The following SIPA1L1 variants were observed in gnomAD, a reference collection of about 807,000 sequenced individuals.
SIPA1L1 encodes signal induced proliferation associated 1 like 1, also known as signal-induced proliferation-associated 1-like protein 1.
SIPA1L1 carries 26 observed loss-of-function variants against 162.7 expected under a neutral mutation model. That is an observed-to-expected ratio of 0.16 (90% CI 0.12 to 0.22). SIPA1L1 has a LOEUF of 0.22. Among genes scored for constraint, SIPA1L1 ranks in the 10% least tolerant of loss-of-function variants. The pLI is 1.00. For missense variants in SIPA1L1, 1,874 were observed against 2,241.0 expected (o/e 0.84, Z 3.31); for synonymous variants, 829 against 837.4 (o/e 0.99, Z 0.17).
intron 17 of SIPA1L1, among the ~76,000 whole-genome samples, chr14:71,720,559 T>TAA (rs534355780): frequency 3.4e-4 from 50 of 148,330 alleles, no homozygotes; most frequent in African/African-American, 1.1e-3. Context: ...GGAGACTGTC[T>TAA]AAAAAAAAAA....
rs527823282 is a variant in SIPA1L1, at chr14:71,603,415, G to C, written c.1498+14045G>C. Among the ~76,000 whole-genome samples, 5 of 151,730 alleles carry C rather than the reference G, an allele frequency of 3.3e-5. No individual in the cohort carries two copies. In the South Asian group the frequency reaches 1.0e-3, roughly 32 times the overall value. On this transcript the variant is annotated intron_variant, in intron 5 of 23. Transcript: ENST00000381232. ...TTGATTTCTAGTTATTTTATATATC[G>C]GTTTCTTTCTCATGTTATTTACCAC...
intron 2 of SIPA1L1, among the ~76,000 whole-genome samples, chr14:71,397,098 A>G (rs185851676): frequency 1.3e-5 from 2 of 152,308 alleles, no homozygotes; most frequent in Non-Finnish European, 1.5e-5. Context: ...AATAACTTCA[A>G]AGGTCAGTTG....
chr14:71,544,413 G>A (rs182327580), intron 4 of SIPA1L1, among the ~76,000 whole-genome samples: 3 of 151,572 alleles, frequency 2.0e-5, no homozygotes, highest in Non-Finnish European at 4.4e-5. Context: ...ACTTTTCCTT[G>A]TCTGTAGCTT....
chr14:71,435,134 T>G (rs1299410192), intron 2 of SIPA1L1, among the ~76,000 whole-genome samples: 1 of 152,198 alleles, frequency 6.6e-6, no homozygotes, highest in Non-Finnish European at 1.5e-5. Context: ...AAACATTGTA[T>G]ACATTTACAC....
At position 71,671,253 on chromosome 14, in the gene SIPA1L1, A is replaced by G. The variant is rs749248202; in HGVS notation, c.2390A>G (p.Lys797Arg). 1 of 1,614,172 alleles carries G rather than the reference A, an allele frequency of 6.2e-7. No individual in the cohort carries two copies. The highest frequency in any genetic ancestry group is 1.1e-5 in the South Asian group (1 of 91,078). Residue 797 changes from lysine to arginine, a missense_variant, in exon 11 of 24, where the codon AAA becomes AGA. Around this residue, in one of 5 missense-constraint regions of SIPA1L1, gnomAD observed 243 missense variants for 315.0 expected, o/e 0.77. Transcript: ENST00000381232. ...KVINAENAAH[K>R]SEKFRAMATR... ...ATTAATGCAGAAAATGCTGCTCATA[A>G]ATCGGAGAAGTTTCGGGCCATGGCA...
chr14:71,400,270 G>T (rs1275092733), intron 2 of SIPA1L1, among the ~76,000 whole-genome samples: 3 of 152,106 alleles, frequency 2.0e-5, no homozygotes, highest in Admixed American at 6.6e-5. Flanking sequence ...TTCTCTGGGG[G>T]ATTAGGACTA....
rs187607356 is a variant in SIPA1L1, at chr14:71,698,921, C to G, written c.3375-60C>G. On this transcript the variant is annotated intron_variant, in intron 13 of 23. Coordinates refer to ENST00000381232, the MANE Select transcript of SIPA1L1 (RefSeq NM_001386936.1). ...CATTTATATGATATTATCCATCATG[C>G]GTTGCCTTGGGATTTTCCCTTTGAA... is the stretch of plus-strand genomic sequence containing the variant. 638 of 1,564,436 alleles carry G rather than the reference C, an allele frequency of 4.1e-4. 3 individuals carry two copies. The Middle Eastern group carries it at 0.012, about 28-fold the overall frequency.
chr14:71,672,575 G>C lies in SIPA1L1; in HGVS notation c.3057G>C (p.Thr1019=), dbSNP rs771015195. The change falls in exon 12 of 24, where the codon ACG becomes ACC. Residue 1019 remains threonine, a synonymous_variant. Transcript: ENST00000381232. Reference sequence around the variant, plus strand: ...TCGACCTCCTGAGAACATCTGTCACGGTGAAGGTTGTCATCATTCCCCCGC... The same window carrying C: ...TCGACCTCCTGAGAACATCTGTCACCGTGAAGGTTGTCATCATTCCCCCGC... ...QMIDLLRTSV[T]VKVVIIPPHD... 2 of 1,614,072 alleles carry C rather than the reference G, an allele frequency of 1.2e-6. No individual in the cohort carries two copies. The highest frequency in any genetic ancestry group is 1.3e-5 in the African/African-American group (1 of 74,930).
intron 4 of SIPA1L1, among the ~76,000 whole-genome samples, chr14:71,537,686 TTCTC>T (rs945657665): frequency 3.4e-4 from 51 of 152,192 alleles, no homozygotes; most frequent in African/African-American, 1.1e-3. Flanking sequence ...TCATTTCCTT[TTCTC>T]TCTCTCTCTT....
rs141787348 is a variant in SIPA1L1 at position 71,558,594 on chromosome 14, C to T, written c.-302-28977C>T. Among the ~76,000 whole-genome samples, 172 of 152,280 alleles carry T rather than the reference C, an allele frequency of 1.1e-3. 1 individual carries two copies. In the East Asian group the frequency reaches 0.029, roughly 26 times the overall value. ...GGTGAAAGCCGTGGTTGCTGTTGAA[C>T]GGGCATATGTGCACTTAGGTAGTTT... On this transcript the variant is annotated intron_variant, in intron 4 of 23. Transcript: ENST00000381232.
At chr14:71,526,821 T>TA (rs1182712706) in intron 3 of SIPA1L1, among the ~76,000 whole-genome samples, 8 of 152,360 alleles carry the variant, frequency 5.3e-5, no homozygotes, top group African/African-American at 1.7e-4. Context: ...AGCTAACACT[T>TA]ATTGGAAAAT....
intron 4 of SIPA1L1, among the ~76,000 whole-genome samples, chr14:71,554,249 A>G (rs2056144756): frequency 6.6e-6 from 1 of 152,156 alleles, no homozygotes; most frequent in African/African-American, 2.4e-5. Context: ...TCAAATGTTA[A>G]TTTAAGGAAG....
chr14:71,635,158 A>G (rs1354145315), intron 7 of SIPA1L1, among the ~76,000 whole-genome samples: 2 of 152,006 alleles, frequency 1.3e-5, no homozygotes, highest in Non-Finnish European at 2.9e-5. Context: ...GGGTGCCTAT[A>G]ATCCCAGGTA....
chr14:71,454,621 T>C (rs1232171214), intron 2 of SIPA1L1, among the ~76,000 whole-genome samples: 1 of 152,204 alleles, frequency 6.6e-6, no homozygotes, highest in African/African-American at 2.4e-5. Context: ...AAGAATGGAA[T>C]AGACACTTAG....
chr14:71,588,802 A>C lies in SIPA1L1; in HGVS notation c.930A>C (p.Ser310=), dbSNP rs151204270. Reference sequence around the variant, plus strand: ...CCAAAGGTGAAGAACTTGGGAAGTCATCAGATCTTGAAGATAACCGATCAG... The same window carrying C: ...CCAAAGGTGAAGAACTTGGGAAGTCCTCAGATCTTGAAGATAACCGATCAG... ...RNAKGEELGK[S]SDLEDNRSED... is the part of the protein sequence containing the mutation. Residue 310 remains serine (S), a synonymous_variant, in exon 5 of 24, where the codon TCA becomes TCC. Transcript: ENST00000381232. This position sits in a 1 kb window ranked among gnomAD's most constrained non-coding sequence, Gnocchi z 4.3. The C allele has an allele frequency of 2.5e-6, 4 of 1,614,138 alleles. No individual in the cohort carries two copies. The highest frequency in any genetic ancestry group is 3.4e-6 in the Non-Finnish European group (4 of 1,179,988).
chr14:71,510,522 A>C (rs1482146236), intron 2 of SIPA1L1, among the ~76,000 whole-genome samples: 1 of 152,096 alleles, frequency 6.6e-6, no homozygotes, highest in East Asian at 1.9e-4. Context: ...TCTCAAACAT[A>C]ATATACTATT....
At chr14:71,691,363 T>A (rs755057924) in intron 13 of SIPA1L1, among the ~76,000 whole-genome samples, 7 of 152,154 alleles carry the variant, frequency 4.6e-5, no homozygotes, top group Non-Finnish European at 1.0e-4. Context: ...AGGCCAAGGC[T>A]GGTGCATGGC....
At chr14:71,698,855 G>C in intron 13 of SIPA1L1, 126 bp from the exon 14 acceptor site, 4 of 936,762 alleles carry the variant, frequency 4.3e-6, no homozygotes, top group Non-Finnish European at 6.2e-6. Flanking sequence ...CTTCCAGCTG[G>C]CTTCATTTTC....
intron 2 of SIPA1L1, among the ~76,000 whole-genome samples, chr14:71,381,204 C>G (rs576925369): frequency 6.6e-6 from 1 of 152,218 alleles, no homozygotes; most frequent in Non-Finnish European, 1.5e-5. Context: ...AGGTGCCCAC[C>G]ACGGTGCCCG....
Sources: allele counts gnomAD v4.1 joint callset (sites outside exome capture counted in the v4.1 genomes callset), GRCh38; gene constraint gnomAD v4.1.1; regional missense constraint gnomAD v4.1.1; non-coding constraint Gnocchi (gnomAD v3.1); transcripts MANE v1.5; gene names NCBI Gene and HGNC (gene_info 2026-07-23, HGNC 2026-07-21).